ZFP90: variants seen among roughly 807,000 people sequenced by gnomAD.
The protein encoded by ZFP90 is ZFP90 zinc finger protein.
ZFP90 carries 38 observed loss-of-function variants against 60.8 expected under a neutral mutation model. The ratio of observed to expected loss-of-function variants is 0.62; its 90% CI spans 0.48 to 0.82. The LOEUF is 0.82. Ranked by LOEUF, ZFP90 falls within the 40% of genes least tolerant of loss-of-function variation. The pLI is 0.00. For missense variants in ZFP90, 711 were observed against 759.1 expected (o/e 0.94, Z 0.74); for synonymous variants, 287 against 264.8 (o/e 1.08, Z -0.82).
rs975976431 is a variant in ZFP90, at chr16:68,539,347, C to A, written c.-168C>A. The A allele has an allele frequency of 5.3e-6, 1 of 190,336 alleles. No homozygotes were observed. Among genetic ancestry groups the A allele is most frequent in the Admixed American group, 6.1e-5 (1 of 16,306 alleles). 11.8% of individuals were successfully genotyped at this position (190,336 alleles called of 1,614,324 possible). On this transcript the variant is annotated 5_prime_UTR_variant, in exon 1 of 5. Coordinates refer to ENST00000563169, the MANE Select transcript of ZFP90 (RefSeq NM_001305203.2). ...TGTCCGACCCCGGTGCGGCTGAGGC[C>A]CCTTTGGGCAGCCCCTCCGCAGATC...
chr16:68,563,002 C>G, intron 4 of ZFP90, 42 bp from the exon 5 acceptor site: 3 of 1,610,356 alleles, frequency 1.9e-6, no homozygotes, highest in Non-Finnish European at 2.5e-6. Flanking sequence ...TGTATTTCAA[C>G]AGGAAGGAAT....
chr16:68,570,668 C>T (rs1452947929), downstream of ZFP90, among the ~76,000 whole-genome samples: 1 of 152,218 alleles, frequency 6.6e-6, no homozygotes, highest in Admixed American at 6.5e-5. Context: ...CTGGTTCCCA[C>T]CATTTCTTCT....
In ZFP90 at chr16:68,565,112, A is replaced by G. The variant is rs2091505160; in HGVS notation, c.*414A>G. ...GCACTCAACTGCAGCTCTTACATTA[A>G]CTTCACCATGGAAACCAGTTCCAAC... is the stretch of plus-strand genomic sequence containing the variant. On this transcript the variant is annotated 3_prime_UTR_variant, in exon 5 of 5. Coordinates refer to ENST00000563169, the MANE Select transcript of ZFP90 (RefSeq NM_001305203.2). 1 of 994,374 alleles carries G rather than the reference A, an allele frequency of 1.0e-6. No individual in the cohort carries two copies. The allele number at this position is 994,374 out of a possible 1,614,324, so 61.6% of individuals were successfully genotyped here.
chr16:68,560,373 A>G (rs1256176427), intron 4 of ZFP90, among the ~76,000 whole-genome samples: 2 of 152,176 alleles, frequency 1.3e-5, no homozygotes, highest in Admixed American at 6.5e-5. Flanking sequence ...GTATAAATGG[A>G]ATCATATAAT....
At chr16:68,562,498 C>T in intron 4 of ZFP90, 1 of 154,692 alleles carries the variant, frequency 6.5e-6, no homozygotes. Context: ...GATGATTTGC[C>T]TCCTGATCAA....
At chr16:68,540,911 CTTTT>C (rs34827177) in intron 2 of ZFP90, among the ~76,000 whole-genome samples, 2 of 125,708 alleles carry the variant, frequency 1.6e-5, no homozygotes, top group African/African-American at 3.0e-5. Flanking sequence ...TACATCATGC[CTTTT>C]TTTTTTTTTT....
At chr16:68,558,266 T>G (rs2091379428) in intron 3 of ZFP90, 142 bp downstream of exon 3, 1 of 1,350,976 alleles carries the variant, frequency 7.4e-7, no homozygotes, top group African/African-American at 1.4e-5. Flanking sequence ...GGACCCAGTT[T>G]TATGGGGTTT....
In ZFP90 at chr16:68,564,558, C is replaced by T. The variant is rs906421509; in HGVS notation, c.1771C>T (p.Arg591Ter). The T allele has an allele frequency of 6.2e-6, 10 of 1,612,484 alleles. No individual in the cohort carries two copies. The highest frequency in any genetic ancestry group is 1.1e-5 in the South Asian group (1 of 90,860). The change falls in exon 5 of 5, where the codon CGA (arginine) becomes TGA (stop). Residue 591 changes from arginine to a stop codon, truncating the protein, a stop_gained. Coordinates refer to ENST00000563169, the MANE Select transcript of ZFP90 (RefSeq NM_001305203.2). LOFTEE classifies it high-confidence loss of function. The part of the protein sequence containing the change: ...YECNECGRAF[R>*]KKTNLHDHQR... ...ATGTAATGAATGTGGGAGAGCCTTC[C>T]GAAAAAAAACCAACCTGCATGATCA...
At chr16:68,570,235 G>A (rs2091560856), downstream of ZFP90, among the ~76,000 whole-genome samples, 2 of 152,124 alleles carry the variant, frequency 1.3e-5, no homozygotes, top group South Asian at 4.1e-4. Flanking sequence ...GATCCCTGAT[G>A]GATTCCATGT....
At chr16:68,540,547 T>A (rs980402682) in intron 2 of ZFP90, among the ~76,000 whole-genome samples, 1 of 152,242 alleles carries the variant, frequency 6.6e-6, no homozygotes, top group African/African-American at 2.4e-5. Flanking sequence ...ATCCATTGAT[T>A]TACATATTGG....
At chr16:68,562,128 G>A (rs560717841) in intron 4 of ZFP90, 67 of 152,166 alleles carry the variant, frequency 4.4e-4, no homozygotes, top group African/African-American at 1.5e-3. Context: ...TATGTATGTC[G>A]TTAACTAGAA....
In ZFP90 at chr16:68,564,361, A is replaced by G. The variant is rs936064169; in HGVS notation, c.1574A>G (p.Tyr525Cys). 1.2e-6 allele frequency: 2 copies of G among 1,614,018 alleles called. No homozygotes were observed. The highest frequency in any genetic ancestry group is 1.3e-5 in the African/African-American group (1 of 74,922). The change falls in exon 5 of 5, where the codon TAT (tyrosine) becomes TGT (cysteine). Residue 525 changes from tyrosine to cysteine, a missense_variant. Tyr to Cys is a radical substitution (Grantham distance 194, BLOSUM62 -2). Around this residue, in one of 5 missense-constraint regions of ZFP90, gnomAD observed 295 missense variants for 274.0 expected, o/e 1.08. Coordinates refer to ENST00000563169, the MANE Select transcript of ZFP90 (RefSeq NM_001305203.2). ...HHRIHTGEKP[Y>C]ECNECGEAFS... ...AGAATTCATACTGGAGAGAAACCCT[A>G]TGAATGTAATGAGTGTGGAGAAGCC... is the stretch of plus-strand genomic sequence containing the variant.
At chr16:68,539,723 C>A in intron 1 of ZFP90, 35 bp from the exon 2 acceptor site, 1 of 1,483,800 alleles carries the variant, frequency 6.7e-7, no homozygotes, top group Admixed American at 2.1e-5. Flanking sequence ...GTCGGTGTTG[C>A]AGCGGGGTGA....
chr16:68,557,262 C>T (rs1450517572), intron 2 of ZFP90: 1 of 455,990 alleles, frequency 2.2e-6, no homozygotes, highest in Non-Finnish European at 4.4e-6. Flanking sequence ...GTTCTGCCGG[C>T]CTTGACCTCT....
rs1162085289 is a variant in ZFP90 at position 68,564,153 on chromosome 16, G to A, written c.1366G>A (p.Gly456Arg). The change falls in exon 5 of 5, where the codon GGG becomes AGG. Residue 456 changes from glycine to arginine, a missense_variant. Transcript: ENST00000563169. ...EVKSYHCNDCGEDFSHITDFT... is the reference protein window; with the variant it reads ...EVKSYHCNDCREDFSHITDFT... ...GAAATCCTACCATTGTAATGACTGT[G>A]GGGAAGACTTTAGTCACATTACAGA... 2 of 1,614,028 alleles carry A rather than the reference G, an allele frequency of 1.2e-6. No individual in the cohort carries two copies. Among genetic ancestry groups the A allele is most frequent in the South Asian group, 1.1e-5 (1 of 91,084 alleles).
chr16:68,566,619 A>C lies in ZFP90; in HGVS notation c.*1921A>C, dbSNP rs944718497. On this transcript the variant is annotated 3_prime_UTR_variant, in exon 5 of 5. Transcript: ENST00000563169. Reference sequence around the variant, plus strand: ...GATCTGCCCTTCTGAGATGCTGACCATCCAAAACACCTTGTTTATGGTGCA... The same window carrying C: ...GATCTGCCCTTCTGAGATGCTGACCCTCCAAAACACCTTGTTTATGGTGCA... 2 of 985,476 alleles carry C rather than the reference A, an allele frequency of 2.0e-6. No homozygotes were observed. Among genetic ancestry groups the C allele is most frequent in the Admixed American group, 6.1e-5 (1 of 16,268 alleles). The allele number at this position is 985,476 out of a possible 1,614,324, so 61.0% of individuals were successfully genotyped here. A position where few individuals can be genotyped will look rare whatever the true frequency, so the allele number is the denominator to read the frequency against.
At chr16:68,549,955 T>C (rs147040522) in intron 2 of ZFP90, among the ~76,000 whole-genome samples, 15 of 152,304 alleles carry the variant, frequency 9.8e-5, no homozygotes, top group African/African-American at 3.1e-4. Flanking sequence ...AGAGTCCATG[T>C]GGCAGAAGCT....
At chr16:68,560,537 T>TTGATTTTGTTTG (rs149308667) in intron 4 of ZFP90, among the ~76,000 whole-genome samples, 220 of 147,228 alleles carry the variant, frequency 1.5e-3, no homozygotes, top group African/African-American at 5.2e-3. Context: ...CCACACTGGA[T>TTGATTTTGTTTG]TTTATTTATT....
intron 4 of ZFP90, among the ~76,000 whole-genome samples, 187 bp downstream of exon 4, chr16:68,558,755 TC>T (rs2091388360): frequency 6.6e-6 from 1 of 152,206 alleles, no homozygotes; most frequent in Non-Finnish European, 1.5e-5. Context: ...GGATTATTTT[TC>T]CTCTGGTGGC....
Sources: gnomAD v4.1 joint callset for allele counts (sites outside exome capture counted in the v4.1 genomes callset) on GRCh38, gnomAD v4.1.1 for gene constraint, gnomAD v4.1.1 regional missense constraint, MANE v1.5 for transcripts, NCBI Gene and HGNC (gene_info 2026-07-23, HGNC 2026-07-21) for gene names.